Variants in THEMIS observed in about 807,000 individuals in gnomAD.
THEMIS encodes thymocyte selection associated.
In THEMIS, 37 loss-of-function variants were observed where a neutral mutation model predicts 52.6. That is an observed-to-expected ratio of 0.70 (90% CI 0.54 to 0.93). The LOEUF (loss-of-function observed/expected upper bound fraction) is 0.93, where lower values mean the gene tolerates loss of function less well. THEMIS is among the 40% of genes least tolerant of loss of function. The pLI is 0.00. For synonymous variants in THEMIS, 292 were observed against 272.7 expected (o/e 1.07, Z -0.70); for missense variants, 808 against 763.1 (o/e 1.06, Z -0.69).
At chr6:127,762,956 GA>G (rs548264253) in intron 4 of THEMIS, among the ~76,000 whole-genome samples, 5 of 149,126 alleles carry the variant, frequency 3.4e-5, no homozygotes, top group South Asian at 2.1e-4. Context: ...TATCTGCACT[GA>G]AAAAAAAAGA....
At chr6:127,896,204 T>C (rs1313772931) in intron 1 of THEMIS, among the ~76,000 whole-genome samples, 2 of 151,472 alleles carry the variant, frequency 1.3e-5, no homozygotes, top group Non-Finnish European at 3.0e-5. Context: ...TTGCTCTCAG[T>C]GGTCATGAAT....
At chr6:127,796,545 A>C (rs1361726961) in intron 4 of THEMIS, among the ~76,000 whole-genome samples, 2 of 152,226 alleles carry the variant, frequency 1.3e-5, no homozygotes, top group Admixed American at 1.3e-4. Context: ...ACAAAAGGAG[A>C]AAACATAAAG....
chr6:127,848,881 T>C (rs1430114425), intron 2 of THEMIS, among the ~76,000 whole-genome samples: 1 of 152,178 alleles, frequency 6.6e-6, no homozygotes, highest in Non-Finnish European at 1.5e-5. Context: ...CGGTTCCCTG[T>C]TCACTCTGAT....
intron 4 of THEMIS, among the ~76,000 whole-genome samples, chr6:127,738,963 A>T (rs1350576809): frequency 6.6e-6 from 1 of 152,156 alleles, no homozygotes; most frequent in African/African-American, 2.4e-5. Context: ...CCTAATTAAA[A>T]ATATATATAT....
chr6:127,894,865 A>G (rs960893516), intron 1 of THEMIS, among the ~76,000 whole-genome samples: 27 of 151,350 alleles, frequency 1.8e-4, no homozygotes, highest in Non-Finnish European at 3.7e-4. Flanking sequence ...TCTAAAATGA[A>G]TAAGTCTATG....
chr6:127,829,751 T>A lies in THEMIS; in HGVS notation c.434A>T (p.Asp145Val), dbSNP rs769313419. 40 of 1,614,120 alleles carry A rather than the reference T, an allele frequency of 2.5e-5. No homozygotes were observed. The South Asian group carries it at 3.2e-4, about 13-fold the overall frequency. Residue 145 changes from aspartate (D) to valine (V), a missense_variant, in exon 3 of 6, where the codon GAT (aspartate) becomes GTT (valine). Coordinates refer to ENST00000368248, the MANE Select transcript of THEMIS (RefSeq NM_001010923.3). ...QIMLNSVEEI[D>V]GEIMVSCAVA... is the part of the protein sequence containing the mutation. ...TGCACAGCTCACCATTATTTCTCCA[T>A]CAATCTCTTCAACTGAGTTGAGCAT...
At chr6:127,724,140 T>C (rs1050803427) in intron 4 of THEMIS, among the ~76,000 whole-genome samples, 1 of 152,110 alleles carries the variant, frequency 6.6e-6, no homozygotes, top group African/African-American at 2.4e-5. Context: ...TTACATTATA[T>C]ATTGGTAGAT....
chr6:127,835,910 A>T (rs1361076977), intron 2 of THEMIS, among the ~76,000 whole-genome samples: 1 of 152,170 alleles, frequency 6.6e-6, no homozygotes, highest in Non-Finnish European at 1.5e-5. Flanking sequence ...TTAGAATTTA[A>T]CCATCATAAT....
chr6:127,911,827 CCA>C (rs1781418752), intron 1 of THEMIS, among the ~76,000 whole-genome samples: 1 of 151,424 alleles, frequency 6.6e-6, no homozygotes, highest in Admixed American at 6.6e-5. Context: ...GAGGGAGCCC[CCA>C]CACAGAGTCC....
At chr6:127,789,799 A>C (rs1352899749) in intron 4 of THEMIS, among the ~76,000 whole-genome samples, 1 of 152,178 alleles carries the variant, frequency 6.6e-6, no homozygotes, top group African/African-American at 2.4e-5. Flanking sequence ...AGTAGATGCA[A>C]AAAAAGGCCC....
At chr6:127,860,960 G>A (rs975137621) in intron 1 of THEMIS, among the ~76,000 whole-genome samples, 1 of 152,160 alleles carries the variant, frequency 6.6e-6, no homozygotes, top group African/African-American at 2.4e-5. Context: ...CATTATCAGA[G>A]CAAAGGGATT....
At chr6:127,847,101 G>A (rs1490721113) in intron 2 of THEMIS, among the ~76,000 whole-genome samples, 1 of 151,600 alleles carries the variant, frequency 6.6e-6, no homozygotes, top group East Asian at 1.9e-4. Context: ...TGATAGAAAC[G>A]CTCAAAAAAA....
intron 4 of THEMIS, among the ~76,000 whole-genome samples, chr6:127,747,450 TA>T (rs1368796065): frequency 6.7e-6 from 1 of 148,946 alleles, no homozygotes; most frequent in Non-Finnish European, 1.5e-5. Context: ...AACATATCTA[TA>T]AAATTTATTA....
chr6:127,806,596 A>G (rs1777717057), intron 4 of THEMIS, among the ~76,000 whole-genome samples: 1 of 152,208 alleles, frequency 6.6e-6, no homozygotes, highest in African/African-American at 2.4e-5. Context: ...TCAGTATTTT[A>G]TTATTAGTAT....
At chr6:127,856,135 T>A (rs1182767599) in intron 1 of THEMIS, among the ~76,000 whole-genome samples, 1 of 152,024 alleles carries the variant, frequency 6.6e-6, no homozygotes, top group East Asian at 1.9e-4. Context: ...CCATACTACA[T>A]GTGAAGTATA....
chr6:127,849,862 G>A lies in THEMIS; in HGVS notation c.250+5168C>T, dbSNP rs1170016937. Reference sequence around the variant, plus strand: ...ATAATTCATGACTAAGACACCAAAAGCAAATGCCACAAAAATAAATAAATG... The same window carrying A: ...ATAATTCATGACTAAGACACCAAAAACAAATGCCACAAAAATAAATAAATG... On this transcript the variant is annotated intron_variant, in intron 2 of 5. Coordinates refer to ENST00000368248, the MANE Select transcript of THEMIS (RefSeq NM_001010923.3). Among the ~76,000 whole-genome samples the A allele has an allele frequency of 2.6e-5, 4 of 152,012 alleles. No homozygotes were observed. In the East Asian group the frequency reaches 5.8e-4, roughly 22 times the overall value.
intron 4 of THEMIS, among the ~76,000 whole-genome samples, chr6:127,796,196 G>A (rs945280557): frequency 6.6e-6 from 1 of 152,054 alleles, no homozygotes; most frequent in Non-Finnish European, 1.5e-5. Context: ...TCATTATTAA[G>A]CAAAAAACTA....
chr6:127,776,476 C>T (rs1343853460), intron 4 of THEMIS, among the ~76,000 whole-genome samples: 1 of 152,184 alleles, frequency 6.6e-6, no homozygotes, highest in Admixed American at 6.5e-5. Flanking sequence ...TGTGACTGAC[C>T]TGGATCAGAG....
chr6:127,719,608 G>T, intron 5 of THEMIS, 80 bp downstream of exon 5: 1 of 1,300,254 alleles, frequency 7.7e-7, no homozygotes, highest in Non-Finnish European at 1.1e-6. Context: ...TAAAATAATA[G>T]TAAGAATCTG....
Sources: allele counts gnomAD v4.1 joint callset (sites outside exome capture counted in the v4.1 genomes callset), GRCh38; gene constraint gnomAD v4.1.1; transcripts MANE v1.5; gene names NCBI Gene and HGNC (gene_info 2026-07-23, HGNC 2026-07-21).